ZZZ3: variants seen among roughly 807,000 people sequenced by gnomAD.
ZZZ3 encodes the protein zinc finger ZZ-type containing 3, also known as ZZ-type zinc finger-containing protein 3.
ZZZ3 carries 22 observed loss-of-function variants against 95.2 expected under a neutral mutation model. That is an observed-to-expected ratio of 0.23 (90% CI 0.17 to 0.33). The LOEUF (loss-of-function observed/expected upper bound fraction) is 0.33. Among genes scored for constraint, ZZZ3 ranks in the 10% least tolerant of loss-of-function variants. The probability of loss-of-function intolerance (pLI) is 1.00; values close to 1 mark genes in which losing one functional copy is unlikely to be tolerated. For missense variants in ZZZ3, 885 were observed against 1,066.5 expected (o/e 0.83, Z 2.37); for synonymous variants, 335 against 358.9 (o/e 0.93, Z 0.75).
intron 5 of ZZZ3, among the ~76,000 whole-genome samples, chr1:77,596,315 C>G (rs1664208433): frequency 6.6e-6 from 1 of 151,994 alleles, no homozygotes; most frequent in African/African-American, 2.4e-5. Context: ...AAAGGCAAAA[C>G]TACAGAGACA....
intron 5 of ZZZ3, among the ~76,000 whole-genome samples, chr1:77,587,258 C>CTTTTTTTTTTTTT: frequency 1.2e-5 from 1 of 85,264 alleles, no homozygotes; most frequent in Non-Finnish European, 2.4e-5. Context: ...AACTTTGACC[C>CTTTTTTTTTTTTT]TTTTTTTTTT....
chr1:77,586,770 A>G (rs1026538987), intron 5 of ZZZ3, among the ~76,000 whole-genome samples: 11 of 152,348 alleles, frequency 7.2e-5, no homozygotes, highest in African/African-American at 2.6e-4. Context: ...TCTATCCCAG[A>G]TAATTGGAAT....
chr1:77,637,978 A>T (rs923784180), intron 4 of ZZZ3, among the ~76,000 whole-genome samples: 1 of 152,242 alleles, frequency 6.6e-6, no homozygotes, highest in Admixed American at 6.5e-5. Context: ...TAGTTTTAGA[A>T]ATAAGGGAAG....
At chr1:77,665,317 T>C (rs1189552986) in intron 1 of ZZZ3, among the ~76,000 whole-genome samples, 1 of 152,038 alleles carries the variant, frequency 6.6e-6, no homozygotes, top group African/African-American at 2.4e-5. Context: ...CCAAGGCCAA[T>C]GTCAAGCTGA....
At chr1:77,660,170 C>T (rs969860418) in intron 1 of ZZZ3, among the ~76,000 whole-genome samples, 3 of 151,990 alleles carry the variant, frequency 2.0e-5, no homozygotes, top group Admixed American at 2.0e-4. Context: ...GAGTATGCCT[C>T]GTTAGTGAGA....
rs1183875385 is a variant in ZZZ3, at chr1:77,562,730, A to G, written c.*2910T>C. 2 of 152,364 alleles carry G rather than the reference A, an allele frequency of 1.3e-5. No homozygotes were observed. The highest frequency in any genetic ancestry group is 3.9e-4 in the East Asian group (2 of 5,180). The allele number at this position is 152,364 out of a possible 1,614,324, so 9.4% of individuals were successfully genotyped here. ...CCTGAGACTTTGCAAGCCTGGACAT[A>G]TGCTCAGGTTTGTACTCTTAGGAAG... On this transcript the variant is annotated 3_prime_UTR_variant, in exon 15 of 15. Transcript: ENST00000370801.
chr1:77,591,970 A>C (rs949940605), intron 5 of ZZZ3, among the ~76,000 whole-genome samples: 2 of 152,154 alleles, frequency 1.3e-5, no homozygotes, highest in Admixed American at 6.5e-5. Flanking sequence ...AATTTTCTAG[A>C]CTTCACTTGG....
At chr1:77,620,631 ACT>A (rs755982316) in intron 5 of ZZZ3, among the ~76,000 whole-genome samples, 1 of 152,126 alleles carries the variant, frequency 6.6e-6, no homozygotes, top group Non-Finnish European at 1.5e-5. Flanking sequence ...CAAGTAAAAG[ACT>A]CCACCAAATC....
At chr1:77,655,320 A>G (rs1172455937) in intron 1 of ZZZ3, among the ~76,000 whole-genome samples, 3 of 152,250 alleles carry the variant, frequency 2.0e-5, no homozygotes, top group Non-Finnish European at 4.4e-5. Flanking sequence ...TGATAAGCCA[A>G]TAAAAGAGTT....
chr1:77,607,534 T>C (rs1443988173), intron 5 of ZZZ3, among the ~76,000 whole-genome samples: 1 of 152,018 alleles, frequency 6.6e-6, no homozygotes, highest in East Asian at 1.9e-4. Flanking sequence ...AGCTGAAAAA[T>C]GCAACTGATA....
At chr1:77,604,433 C>A (rs1272053359) in intron 5 of ZZZ3, among the ~76,000 whole-genome samples, 1 of 152,072 alleles carries the variant, frequency 6.6e-6, no homozygotes, top group African/African-American at 2.4e-5. Flanking sequence ...CATTAAGGTA[C>A]AAAGATAATA....
chr1:77,653,591 T>C (rs959850096), intron 1 of ZZZ3, among the ~76,000 whole-genome samples: 15 of 151,716 alleles, frequency 9.9e-5, no homozygotes, highest in Admixed American at 3.9e-4. Context: ...CTGTATCTAC[T>C]AAAAATACAA....
At chr1:77,609,462 T>G (rs573030844) in intron 5 of ZZZ3, among the ~76,000 whole-genome samples, 5 of 152,240 alleles carry the variant, frequency 3.3e-5, no homozygotes, top group East Asian at 1.9e-4. Context: ...CACCCCACTT[T>G]CAGCATTGGA....
At chr1:77,673,761 C>T (rs770090798) in intron 1 of ZZZ3, among the ~76,000 whole-genome samples, 5 of 151,968 alleles carry the variant, frequency 3.3e-5, no homozygotes, top group African/African-American at 7.3e-5. Context: ...TTGTACTGTT[C>T]ATAAATGTTA....
intron 4 of ZZZ3, among the ~76,000 whole-genome samples, chr1:77,637,289 T>C (rs1034258100): frequency 1.3e-5 from 2 of 152,142 alleles, no homozygotes; most frequent in Non-Finnish European, 2.9e-5. Context: ...TGGAAGACTA[T>C]AAAAAATCTT....
At chr1:77,662,312 T>G (rs1670869721) in intron 1 of ZZZ3, among the ~76,000 whole-genome samples, 1 of 151,962 alleles carries the variant, frequency 6.6e-6, no homozygotes, top group Non-Finnish European at 1.5e-5. Flanking sequence ...GTACCCAGCC[T>G]GGCTTTTTTT....
rs554555036 is a variant in ZZZ3, at chr1:77,657,699, C to T, written c.-402-16044G>A. Among the ~76,000 whole-genome samples the T allele has an allele frequency of 5.9e-5, 9 of 152,188 alleles. No homozygotes were observed. In the East Asian group the frequency reaches 1.4e-3, roughly 23 times the overall value. On this transcript the variant is annotated intron_variant, in intron 1 of 14. Coordinates refer to ENST00000370801, the MANE Select transcript of ZZZ3 (RefSeq NM_015534.6). ...CAGACTATAGTCATCCCTCAGTATA[C>T]GTGGGGGGGATTGGTTCTAGGACCC...
chr1:77,626,615 A>T (rs1210113257), intron 5 of ZZZ3, among the ~76,000 whole-genome samples: 6 of 152,158 alleles, frequency 3.9e-5, no homozygotes, highest in Non-Finnish European at 8.8e-5. Context: ...CCCAGTTCCT[A>T]ACAGGCCATG....
chr1:77,655,633 A>G (rs925120990), intron 1 of ZZZ3, among the ~76,000 whole-genome samples: 2 of 152,238 alleles, frequency 1.3e-5, no homozygotes, highest in Non-Finnish European at 1.5e-5. Flanking sequence ...GAGACAGACA[A>G]ACAGACAAGG....
Sources: allele counts gnomAD v4.1 joint callset (sites outside exome capture counted in the v4.1 genomes callset), GRCh38; gene constraint gnomAD v4.1.1; transcripts MANE v1.5; gene names NCBI Gene and HGNC (gene_info 2026-07-23, HGNC 2026-07-21).